COL21A1: variants seen among roughly 807,000 people sequenced by gnomAD.
The protein encoded by COL21A1 is collagen type XXI alpha 1 chain, also known as collagen alpha-1(XXI) chain.
Under a neutral mutation model 137.9 loss-of-function variants are expected in COL21A1, and 149 were observed. The ratio of observed to expected loss-of-function variants is 1.08; its 90% confidence interval spans 0.95 to 1.24. COL21A1 has a LOEUF of 1.24. COL21A1 is among the 50% of genes most tolerant of loss of function. The pLI is 0.00. For synonymous variants in COL21A1, 456 were observed against 391.5 expected (o/e 1.16, Z -1.95); for missense variants, 1,167 against 1,158.4 (o/e 1.01, Z -0.11).
intron 20 of COL21A1, among the ~76,000 whole-genome samples, chr6:56,072,474 T>A (rs1766843906): frequency 6.6e-6 from 1 of 151,428 alleles, no homozygotes; most frequent in South Asian, 2.1e-4. Flanking sequence ...ACTGAATACG[T>A]TTTTGTCTCA....
At chr6:56,274,681 T>C (rs1763601606) in intron 1 of COL21A1, among the ~76,000 whole-genome samples, 2 of 152,070 alleles carry the variant, frequency 1.3e-5, no homozygotes, top group African/African-American at 2.4e-5. Flanking sequence ...GACAGATCTC[T>C]ACAAGGAGAA....
rs60388494 is a variant in COL21A1, at chr6:56,316,477, C to CTTTTTTTTTTTTTTTTT, written c.-39+77477_-39+77493dup. On this transcript the variant is annotated intron_variant, in intron 1 of 28. Transcript: ENST00000370819. ...CACACCTTTTAAAATTCTAAATAGA[C>CTTTTTTTTTTTTTTTTT]TTTTTTTTTTTTTTTTTTTTTTGAG... Among the ~76,000 whole-genome samples the CTTTTTTTTTTTTTTTTT allele has an allele frequency of 6.6e-5, 5 of 75,790 alleles. 1 individual carries two copies. The highest frequency in any genetic ancestry group is 6.9e-5 in the Non-Finnish European group (3 of 43,394). 49.7% of individuals were successfully genotyped at this position (75,790 alleles called of 152,430 possible). A position where few individuals can be genotyped will look rare whatever the true frequency, so the allele number is the denominator to read the frequency against.
intron 1 of COL21A1, among the ~76,000 whole-genome samples, chr6:56,283,765 T>G (rs1276254404): frequency 6.6e-6 from 1 of 151,944 alleles, no homozygotes; most frequent in Non-Finnish European, 1.5e-5. Flanking sequence ...ATAAACCTTG[T>G]GAAAGAATAT....
upstream of COL21A1, among the ~76,000 whole-genome samples, chr6:56,251,576 A>G (rs1339628805): frequency 6.6e-6 from 1 of 152,192 alleles, no homozygotes; most frequent in African/African-American, 2.4e-5. Context: ...GATGTGTGTG[A>G]GTGTGTATGT....
At chr6:56,363,786 G>T (rs12213368) in intron 1 of COL21A1, among the ~76,000 whole-genome samples, 1 of 22,812 alleles carries the variant, frequency 4.4e-5, no homozygotes, top group South Asian at 1.3e-3. Context: ...AATACCCCCC[G>T]ACACATTCCC....
intron 1 of COL21A1, among the ~76,000 whole-genome samples, chr6:56,272,173 T>C (rs1041071290): frequency 7.2e-5 from 11 of 152,164 alleles, no homozygotes; most frequent in Non-Finnish European, 1.6e-4. Context: ...CTGCAGGCAC[T>C]CAACACCAGC....
intron 1 of COL21A1, among the ~76,000 whole-genome samples, chr6:56,204,739 G>A (rs537666430): frequency 1.3e-5 from 2 of 152,176 alleles, no homozygotes; most frequent in Admixed American, 1.3e-4. Context: ...GCTCTGGCTG[G>A]CATCTGGCAG....
At chr6:56,172,060 C>G (rs995876502) in intron 3 of COL21A1, among the ~76,000 whole-genome samples, 1 of 105,082 alleles carries the variant, frequency 9.5e-6, no homozygotes, top group Non-Finnish European at 1.8e-5. Context: ...ATGCATTTTG[C>G]GAGTTCCAGA....
At chr6:56,224,023 A>T (rs957964758) in intron 1 of COL21A1, among the ~76,000 whole-genome samples, 1 of 152,084 alleles carries the variant, frequency 6.6e-6, no homozygotes, top group African/African-American at 2.4e-5. Context: ...TGACTGGAAT[A>T]AGAAAGGTAA....
intron 1 of COL21A1, among the ~76,000 whole-genome samples, chr6:56,277,176 G>A (rs1763686009): frequency 6.6e-6 from 1 of 152,092 alleles, no homozygotes; most frequent in Non-Finnish European, 1.5e-5. Flanking sequence ...TTAAGTTCTA[G>A]GGTACATGTG....
rs1447497704 is a variant in COL21A1, at chr6:56,097,864, A to AATATATATAAATATAT, written c.1812+3607_1812+3608insATATATTTATATATAT. 3.3e-4 allele frequency among the ~76,000 whole-genome samples: 10 copies of AATATATATAAATATAT among 29,930 alleles called. 2 individuals are homozygous for AATATATATAAATATAT. In the East Asian group the frequency reaches 4.3e-3, roughly 13 times the overall value. 19.6% of individuals were successfully genotyped at this position (29,930 alleles called of 152,430 possible). On this transcript the variant is annotated intron_variant, in intron 17 of 29. Transcript: ENST00000244728. ...ATATATAAATATATATAAATATATA[A>AATATATATAAATATAT]AAATATCTATAAATATATAAATATA... is the stretch of plus-strand genomic sequence containing the variant.
intron 1 of COL21A1, among the ~76,000 whole-genome samples, chr6:56,275,037 T>A (rs928407726): frequency 6.6e-6 from 1 of 152,048 alleles, no homozygotes; most frequent in African/African-American, 2.4e-5. Flanking sequence ...TGGAACAGAA[T>A]AGAGAACCCA....
intron 16 of COL21A1, among the ~76,000 whole-genome samples, chr6:56,120,315 C>A (rs12196050): frequency 0.15 from 22,852 of 152,104 alleles, 1,745 homozygotes; most frequent in Middle Eastern, 0.22. Context: ...ATCATTGATA[C>A]TCAAAGAAAT....
At chr6:56,095,636 C>T (rs1769246321) in intron 17 of COL21A1, among the ~76,000 whole-genome samples, 1 of 152,180 alleles carries the variant, frequency 6.6e-6, no homozygotes, top group African/African-American at 2.4e-5. Flanking sequence ...GCAGCCTCAA[C>T]TACTGTCAGT....
intron 1 of COL21A1, among the ~76,000 whole-genome samples, 198 bp from the exon 2 acceptor site, chr6:56,182,854 A>G (rs1436220593): frequency 6.6e-6 from 1 of 152,204 alleles, no homozygotes; most frequent in Non-Finnish European, 1.5e-5. Flanking sequence ...AAAGACCATG[A>G]TAAACCTTAA....
intron 16 of COL21A1, among the ~76,000 whole-genome samples, chr6:56,112,745 C>T (rs375099775): frequency 5.7e-5 from 8 of 141,242 alleles, no homozygotes; most frequent in Non-Finnish European, 1.0e-4. Flanking sequence ...AGTGCAATGG[C>T]GTGATTCCGG....
intron 1 of COL21A1, among the ~76,000 whole-genome samples, chr6:56,215,141 C>G (rs1306102284): frequency 6.6e-6 from 1 of 152,050 alleles, no homozygotes; most frequent in African/African-American, 2.4e-5. Flanking sequence ...ATTGGCATGT[C>G]CTTTTATTTC....
intron 18 of COL21A1, 52 bp downstream of exon 18, chr6:56,077,477 A>G: frequency 8.8e-7 from 1 of 1,132,600 alleles, no homozygotes; most frequent in Middle Eastern, 2.0e-4. Context: ...GTAGACAACA[A>G]TGCATTAAAT....
At chr6:56,242,175 G>A (rs532572200) in intron 1 of COL21A1, among the ~76,000 whole-genome samples, 22 of 152,074 alleles carry the variant, frequency 1.4e-4, no homozygotes, top group African/African-American at 3.9e-4. Context: ...TGCAAAATAC[G>A]TATACAACAA....
Sources: allele counts gnomAD v4.1 joint callset (sites outside exome capture counted in the v4.1 genomes callset), GRCh38; gene constraint gnomAD v4.1.1; transcripts MANE v1.5; gene names NCBI Gene and HGNC (gene_info 2026-07-23, HGNC 2026-07-21).